The following ARID4B variants were observed in gnomAD, a reference collection of about 807,000 sequenced individuals.
ARID4B encodes the protein AT-rich interaction domain 4B.
A neutral mutation model predicts 147.5 loss-of-function variants in ARID4B; 26 were observed. The observed-to-expected ratio is 0.18, with a 90% confidence interval of 0.13 to 0.24. ARID4B has a LOEUF of 0.24. ARID4B is among the 10% of genes least tolerant of loss of function. The pLI is 1.00. For synonymous variants in ARID4B, 512 were observed against 507.9 expected, an observed-to-expected ratio of 1.01 and a Z score of -0.11; for missense variants, 1,179 against 1,511.5, an observed-to-expected ratio of 0.78 and a Z score of 3.65.
intron 10 of ARID4B, among the ~76,000 whole-genome samples, chr1:235,230,358 G>A (rs1044859389): frequency 2.6e-5 from 4 of 151,678 alleles, no homozygotes; most frequent in African/African-American, 4.8e-5. Flanking sequence ...AGGGTGCACC[G>A]AGATTGTACC....
intron 2 of ARID4B, among the ~76,000 whole-genome samples, chr1:235,296,831 A>G (rs71640631): frequency 0.081 from 1,292 of 15,976 alleles, 38 homozygotes; most frequent in African/African-American, 0.11. Context: ...GGAAGGAAGG[A>G]AGGAAGGGAG....
intron 2 of ARID4B, among the ~76,000 whole-genome samples, chr1:235,286,819 C>A (rs1031622930): frequency 6.6e-6 from 1 of 152,084 alleles, no homozygotes; most frequent in African/African-American, 2.4e-5. Flanking sequence ...TGTACAAATA[C>A]AAGGCTGAAT....
At chr1:235,317,953 T>C (rs911935304) in intron 2 of ARID4B, among the ~76,000 whole-genome samples, 1 of 152,192 alleles carries the variant, frequency 6.6e-6, no homozygotes, top group East Asian at 1.9e-4. Flanking sequence ...CCCTAAGAAC[T>C]GAAAGGTCCA....
chr1:235,183,824 G>T (rs1470499110), intron 19 of ARID4B, among the ~76,000 whole-genome samples: 1 of 149,688 alleles, frequency 6.7e-6, no homozygotes, highest in Non-Finnish European at 1.5e-5. Flanking sequence ...CTGAGACAGG[G>T]TCTTACTCTG....
chr1:235,220,872 C>G (rs996027440), intron 14 of ARID4B, among the ~76,000 whole-genome samples: 1 of 149,912 alleles, frequency 6.7e-6, no homozygotes, highest in African/African-American at 2.5e-5. Flanking sequence ...CTGGGGCACA[C>G]AGCAGCATCC....
rs192304930 is a variant in ARID4B, at chr1:235,298,550, C to T, written c.6+28364G>A. On this transcript the variant is annotated intron_variant, in intron 2 of 23. Coordinates refer to ENST00000264183, the MANE Select transcript of ARID4B (RefSeq NM_016374.6). ...TTATATATATCCATATATATGAATA[C>T]AATGTATATTTATATATATCCATAT... Among the ~76,000 whole-genome samples the T allele has an allele frequency of 1.3e-3, 186 of 144,910 alleles. 1 individual carries two copies. Among genetic ancestry groups the T allele is most frequent in the African/African-American group, 4.2e-3 (165 of 39,754 alleles).
At chr1:235,223,077 G>T in intron 13 of ARID4B, 89 bp downstream of exon 13, 1 of 861,314 alleles carries the variant, frequency 1.2e-6, no homozygotes, top group Non-Finnish European at 1.8e-6. Context: ...ACTTTGTTTT[G>T]TTGTTTAGAA....
At chr1:235,173,761 AAAAAAAAAAAATATATATATAT>A (rs1169967051) in intron 22 of ARID4B, among the ~76,000 whole-genome samples, 4 of 52,000 alleles carry the variant, frequency 7.7e-5, no homozygotes, top group African/African-American at 4.5e-4. Context: ...AAAAAAAAAA[AAAAAAAAAAAATATATATATAT>A]ATATATATAT....
chr1:235,215,657 A>G (rs1035136255), intron 16 of ARID4B, among the ~76,000 whole-genome samples: 1 of 150,106 alleles, frequency 6.7e-6, no homozygotes, highest in African/African-American at 2.5e-5. Flanking sequence ...ATCACTGCTC[A>G]CTGTGGTCTT....
intron 2 of ARID4B, among the ~76,000 whole-genome samples, chr1:235,264,082 A>G (rs966186868): frequency 6.6e-6 from 1 of 152,164 alleles, no homozygotes; most frequent in Non-Finnish European, 1.5e-5. Flanking sequence ...AATTCGTTAG[A>G]AAGAGCACAG....
intron 11 of ARID4B, among the ~76,000 whole-genome samples, chr1:235,225,785 C>A (rs1199140134): frequency 6.6e-6 from 1 of 152,282 alleles, no homozygotes; most frequent in East Asian, 1.9e-4. Context: ...CCTAATGCCA[C>A]TGCTTTAGCG....
intron 1 of ARID4B, 109 bp from the exon 2 acceptor site, chr1:235,327,077 A>T: frequency 9.1e-6 from 2 of 220,808 alleles, no homozygotes; most frequent in South Asian, 9.8e-5. Flanking sequence ...AAAGAGCCGC[A>T]ACCAGGCGCC....
intron 17 of ARID4B, among the ~76,000 whole-genome samples, chr1:235,200,414 G>A (rs995510260): frequency 2.0e-5 from 3 of 152,098 alleles, no homozygotes; most frequent in Non-Finnish European, 2.9e-5. Context: ...AGCCGAGATC[G>A]CATGCCACGG....
intron 19 of ARID4B, among the ~76,000 whole-genome samples, chr1:235,184,376 CA>C (rs1427474657): frequency 6.6e-6 from 1 of 151,288 alleles, no homozygotes; most frequent in African/African-American, 2.4e-5. Flanking sequence ...CTTTATAGTT[CA>C]AGAGACTAGG....
chr1:235,320,755 C>T (rs562587801), intron 2 of ARID4B, among the ~76,000 whole-genome samples: 2 of 152,304 alleles, frequency 1.3e-5, no homozygotes, highest in Admixed American at 1.3e-4. Flanking sequence ...GTATCACACT[C>T]AAACATGCCA....
intron 5 of ARID4B, among the ~76,000 whole-genome samples, chr1:235,255,287 C>CTCTCTCTA (rs1553304420): frequency 4.4e-5 from 6 of 136,504 alleles, no homozygotes; most frequent in Admixed American, 4.4e-4. Flanking sequence ...CTCTCTCTCT[C>CTCTCTCTA]TATATATATA....
intron 2 of ARID4B, among the ~76,000 whole-genome samples, chr1:235,312,949 G>A (rs1674169287): frequency 6.6e-6 from 1 of 151,902 alleles, no homozygotes; most frequent in South Asian, 2.1e-4. Flanking sequence ...CTCCAGCCTG[G>A]GATGCACAGC....
intron 7 of ARID4B, among the ~76,000 whole-genome samples, chr1:235,244,541 A>G (rs1005095990): frequency 6.6e-6 from 1 of 152,188 alleles, no homozygotes; most frequent in Non-Finnish European, 1.5e-5. Context: ...TGAACTTACT[A>G]GGATTAAAGG....
At chr1:235,226,596 A>C (rs1032900680) in intron 11 of ARID4B, among the ~76,000 whole-genome samples, 4 of 151,188 alleles carry the variant, frequency 2.6e-5, no homozygotes, top group Admixed American at 2.6e-4. Flanking sequence ...ATCTCGGCTC[A>C]CTGCAAGCTC....
Sources: gnomAD v4.1 joint callset for allele counts (sites outside exome capture counted in the v4.1 genomes callset) on GRCh38, gnomAD v4.1.1 for gene constraint, MANE v1.5 for transcripts, NCBI Gene and HGNC (gene_info 2026-07-23, HGNC 2026-07-21) for gene names.